NOC3L: variants seen among roughly 807,000 people sequenced by gnomAD.
NOC3L encodes the protein NOC3 like DNA replication regulator, also known as nucleolar complex protein 3 homolog.
In NOC3L, 85 loss-of-function variants were observed where a neutral mutation model predicts 102.5. The observed-to-expected ratio is 0.83, with a 90% CI of 0.70 to 0.99. The LOEUF is 0.99. Ranked by LOEUF, NOC3L falls within the 50% of genes least tolerant of loss-of-function variation. The pLI is 0.00. For missense variants in NOC3L, 878 were observed against 914.9 expected (o/e 0.96, Z 0.52); for synonymous variants, 303 against 309.4 (o/e 0.98, Z 0.22).
intron 1 of NOC3L, 165 bp from the exon 2 acceptor site, chr10:94,362,037 A>G (rs1436235685): frequency 2.9e-6 from 2 of 682,614 alleles, no homozygotes; most frequent in East Asian, 2.8e-5. Flanking sequence ...TTAATCCTAC[A>G]GAAGAGCGCT....
At chr10:94,356,501 A>C in intron 5 of NOC3L, 34 bp downstream of exon 5, 1 of 1,363,584 alleles carries the variant, frequency 7.3e-7, no homozygotes, top group Non-Finnish European at 1.0e-6. Context: ...AAAAATTCTC[A>C]ATTAACAATT....
intron 19 of NOC3L, among the ~76,000 whole-genome samples, chr10:94,335,214 G>A (rs1015371958): frequency 5.9e-5 from 9 of 152,026 alleles, no homozygotes; most frequent in East Asian, 1.9e-4. Context: ...GTTCACACTC[G>A]CCAAAACACA....
chr10:94,343,473 G>A (rs186005884), intron 13 of NOC3L, among the ~76,000 whole-genome samples: 60 of 152,316 alleles, frequency 3.9e-4, no homozygotes, highest in Non-Finnish European at 6.9e-4. Context: ...CACAAGGACC[G>A]TATCACCATA....
At chr10:94,342,335 T>C (rs11187887) in intron 13 of NOC3L, among the ~76,000 whole-genome samples, 4,505 of 152,230 alleles carry the variant, frequency 0.03, 226 homozygotes, top group African/African-American at 0.1. Context: ...CCATATACTA[T>C]AGTAGACACT....
At chr10:94,325,276 G>C in the NOC3L span, 3 of 603,060 alleles carry the variant, frequency 5.0e-6, no homozygotes, top group Non-Finnish European at 8.9e-6. Context: ...TGTGTAACAT[G>C]ATATGCTATT....
downstream of NOC3L, chr10:94,330,311 C>T (rs2054144851): frequency 6.6e-6 from 1 of 152,172 alleles, no homozygotes; most frequent in Non-Finnish European, 1.5e-5. Flanking sequence ...AGTTGTTTAT[C>T]ACATTTTGAG....
At position 94,344,447 on chromosome 10, in the gene NOC3L, A is replaced by G. The variant is rs1474996106; in HGVS notation, c.1539T>C (p.Pro513=). The G allele has an allele frequency of 8.1e-6, 13 of 1,613,568 alleles. No homozygotes were observed. The highest frequency in any genetic ancestry group is 1.1e-5 in the Non-Finnish European group (13 of 1,179,562). Residue 513 remains proline (P), a synonymous_variant, in exon 13 of 21, where the codon CCT becomes CCC. Coordinates refer to ENST00000371361, the MANE Select transcript of NOC3L (RefSeq NM_022451.11). ...GACCTTCTAGAACTGCTGGCAGGAG[A>G]GGTGACCTCTGGGCCTTCTTCAATA... is the stretch of plus-strand genomic sequence containing the variant. ...FRILKKAQRS[P]LLPAVLEGLA...
At chr10:94,317,200 A>G in the NOC3L span, among the ~76,000 whole-genome samples, 2 of 152,328 alleles carry the variant, frequency 1.3e-5, no homozygotes, top group East Asian at 3.9e-4. Context: ...GGTTGCAGAG[A>G]GCTGAGATCG....
chr10:94,316,816 C>G, the NOC3L span: 1 of 1,199,392 alleles, frequency 8.3e-7, no homozygotes, highest in Non-Finnish European at 1.2e-6. Context: ...AGCCATTTAC[C>G]ACTCACAACC....
At chr10:94,350,422 C>G in intron 8 of NOC3L, 134 bp from the exon 9 acceptor site, 1 of 762,450 alleles carries the variant, frequency 1.3e-6, no homozygotes, top group Non-Finnish European at 2.1e-6. Context: ...TAAAAAAAGA[C>G]TTCATATGCT....
At chr10:94,335,804 G>A (rs997909733) in intron 19 of NOC3L, among the ~76,000 whole-genome samples, 3 of 152,092 alleles carry the variant, frequency 2.0e-5, no homozygotes, top group Non-Finnish European at 4.4e-5. Flanking sequence ...TATGATCTCT[G>A]AATTACAGAA....
At chr10:94,361,469 G>A (rs2054550219) in intron 2 of NOC3L, 196 bp downstream of exon 2, 1 of 572,828 alleles carries the variant, frequency 1.7e-6, no homozygotes, top group Non-Finnish European at 3.1e-6. Flanking sequence ...AATGAATACT[G>A]TATTGAAATG....
intron 19 of NOC3L, among the ~76,000 whole-genome samples, chr10:94,336,938 G>A (rs531458441): frequency 5.3e-5 from 8 of 151,518 alleles, no homozygotes; most frequent in Admixed American, 2.6e-4. Flanking sequence ...GCATGGTGGC[G>A]GGTGCCTGTA....
At chr10:94,337,526 G>A (rs797008729) in intron 19 of NOC3L, among the ~76,000 whole-genome samples, 1 of 150,092 alleles carries the variant, frequency 6.7e-6, no homozygotes, top group Non-Finnish European at 1.5e-5. Flanking sequence ...CTGTATGTGC[G>A]AAACTTTTCA....
Position 94,354,911 on chromosome 10 carries a change from G to A in NOC3L, c.696+52C>T. The A allele has an allele frequency of 1.9e-6, 3 of 1,552,330 alleles. No individual in the cohort carries two copies. The East Asian group carries it at 6.8e-5, about 35-fold the overall frequency. On this transcript the variant is annotated intron_variant, in intron 6 of 20. Transcript: ENST00000371361. The stretch of plus-strand genomic sequence containing the variant: ...GTAACAAGGGAATCTTAACAATTAG[G>A]CATTTACACCATACCTAATACAAAG...
chr10:94,336,544 C>T (rs1296055028), intron 19 of NOC3L, among the ~76,000 whole-genome samples: 1 of 151,238 alleles, frequency 6.6e-6, no homozygotes, highest in Non-Finnish European at 1.5e-5. Flanking sequence ...GATGGGGTTT[C>T]ACCATGTTGG....
At chr10:94,349,744 TTTTC>T (rs1165594916) in intron 9 of NOC3L, among the ~76,000 whole-genome samples, 2 of 152,002 alleles carry the variant, frequency 1.3e-5, no homozygotes, top group Non-Finnish European at 2.9e-5. Flanking sequence ...TGGTGTATAA[TTTTC>T]TTTTTTTATT....
the NOC3L span, chr10:94,324,971 G>T: frequency 6.2e-7 from 1 of 1,614,108 alleles, no homozygotes; most frequent in Non-Finnish European, 8.5e-7. Context: ...AAACAGCCCC[G>T]AGGACTTACA....
Position 94,349,313 on chromosome 10 carries a change from A to G in NOC3L, c.1194T>C (p.Ser398=). ...CAGAAATCACTTTAATTACACCAAG[A>G]GAAGCTTGGCCTAATTTATCTTGCT... is the stretch of plus-strand genomic sequence containing the variant. The part of the protein sequence containing the change: ...LFKQDKLGQA[S]LGVIKVISGF... Residue 398 remains serine, a synonymous_variant, in exon 10 of 21, where the codon TCT becomes TCC. Coordinates refer to ENST00000371361, the MANE Select transcript of NOC3L (RefSeq NM_022451.11). 1 of 1,585,930 alleles carries G rather than the reference A, an allele frequency of 6.3e-7. No individual in the cohort carries two copies. Among genetic ancestry groups the G allele is most frequent in the Non-Finnish European group, 8.5e-7 (1 of 1,170,484 alleles).
Sources: allele counts gnomAD v4.1 joint callset (sites outside exome capture counted in the v4.1 genomes callset), GRCh38; gene constraint gnomAD v4.1.1; transcripts MANE v1.5; gene names NCBI Gene and HGNC (gene_info 2026-07-23, HGNC 2026-07-21).